Variants in PCLO observed in about 807,000 individuals in gnomAD.
PCLO encodes piccolo presynaptic cytomatrix protein, also known as protein piccolo.
Under a neutral mutation model 427.5 loss-of-function variants are expected in PCLO, and 82 were observed. The ratio of observed to expected loss-of-function variants is 0.19; its 90% CI spans 0.16 to 0.23. The LOEUF (loss-of-function observed/expected upper bound fraction) is 0.23, where lower values mean the gene tolerates loss of function less well. Among genes scored for constraint, PCLO ranks in the 10% least tolerant of loss-of-function variants. The pLI is 1.00. For missense variants in PCLO, 6,239 were observed against 6,115.9 expected, an observed-to-expected ratio of 1.02 and a Z score of -0.67; for synonymous variants, 2,357 against 2,155.4, an observed-to-expected ratio of 1.09 and a Z score of -2.59.
intron 3 of PCLO, among the ~76,000 whole-genome samples, chr7:83,037,079 A>C (rs891545946): frequency 1.3e-5 from 2 of 152,150 alleles, no homozygotes; most frequent in African/African-American, 4.8e-5. Context: ...GAAAAACAGG[A>C]GTAGAAACAT....
Position 82,783,040 on chromosome 7 carries a change from A to G in PCLO, c.15007+18478T>C, listed in dbSNP as rs138733422. ...TAGACATATTTTCTCCTTTGGGTCA[A>G]GAGTGTAAAACTAGGCCTCAAAGGA... On this transcript the variant is annotated intron_variant, in intron 22 of 24. Transcript: ENST00000333891. Among the ~76,000 whole-genome samples the G allele has an allele frequency of 2.3e-3, 356 of 152,314 alleles. 1 individual carries two copies. Among genetic ancestry groups the G allele is most frequent in the East Asian group, 8.1e-3 (42 of 5,178 alleles).
intron 14 of PCLO, among the ~76,000 whole-genome samples, chr7:82,840,456 A>C (rs917858174): frequency 6.6e-6 from 1 of 152,054 alleles, no homozygotes. Context: ...CATTCTTTTC[A>C]AATAGTCTCT....
chr7:82,857,794 G>A (rs1286054986), intron 10 of PCLO, among the ~76,000 whole-genome samples: 3 of 152,090 alleles, frequency 2.0e-5, no homozygotes, highest in Non-Finnish European at 4.4e-5. Context: ...TCATCCTATA[G>A]TATAAGAAAA....
In PCLO at chr7:82,915,930, C is replaced by G. The variant is rs747018433; in HGVS notation, c.12056G>C (p.Ser4019Thr). The change falls in exon 7 of 25, where the codon AGT (serine) becomes ACT (threonine). Residue 4019 changes from serine to threonine, a missense_variant. Transcript: ENST00000333891. ...LDLRIGLEER[S>T]SMASSPISSI... ...TGATATTGGACTGCTTGCCATGCTA[C>G]TTCTTTCCTCCAAACCTATTCTCAA... is the stretch of plus-strand genomic sequence containing the variant. 6.2e-7 allele frequency: 1 copy of G among 1,613,276 alleles called. No homozygotes were observed. Among genetic ancestry groups the G allele is most frequent in the Non-Finnish European group, 8.5e-7 (1 of 1,179,788 alleles).
At position 82,758,382 on chromosome 7, in the gene PCLO, T is replaced by C. The variant is rs1790361031; in HGVS notation, c.*193A>G. The C allele has an allele frequency of 2.1e-6, 1 of 466,046 alleles. No homozygotes were observed. Among genetic ancestry groups the C allele is most frequent in the East Asian group, 3.3e-5 (1 of 30,748 alleles). 28.9% of individuals were successfully genotyped at this position (466,046 alleles called of 1,614,324 possible). A position where few individuals can be genotyped will look rare whatever the true frequency, so the allele number is the denominator to read the frequency against. ...AACTCCATTCTTCTTGTTTTCAGTATGTGAACTTTTTCAGTTGAATATCTT... is the reference window on the plus strand; with the variant it reads ...AACTCCATTCTTCTTGTTTTCAGTACGTGAACTTTTTCAGTTGAATATCTT... On this transcript the variant is annotated 3_prime_UTR_variant, in exon 25 of 25. Transcript: ENST00000333891.
At chr7:82,926,924 C>T (rs1794725550) in intron 6 of PCLO, among the ~76,000 whole-genome samples, 1 of 152,156 alleles carries the variant, frequency 6.6e-6, no homozygotes, top group South Asian at 2.1e-4. Flanking sequence ...CTTTTGCTTC[C>T]TTCCTTTGTA....
chr7:82,945,465 G>T (rs1795181885), intron 6 of PCLO, among the ~76,000 whole-genome samples: 1 of 152,158 alleles, frequency 6.6e-6, no homozygotes, highest in Admixed American at 6.5e-5. Flanking sequence ...TTTGAACATA[G>T]GGTCTTTACA....
In PCLO at chr7:82,888,606, C is replaced by CT. The variant is rs746460576; in HGVS notation, c.13529-9145dup. Among the ~76,000 whole-genome samples the CT allele has an allele frequency of 6.1e-4, 93 of 152,032 alleles. 1 individual carries two copies. The highest frequency in any genetic ancestry group is 8.4e-4 in the Non-Finnish European group (57 of 67,960). On this transcript the variant is annotated intron_variant, in intron 9 of 24. Coordinates refer to ENST00000333891, the MANE Select transcript of PCLO (RefSeq NM_033026.6). The stretch of plus-strand genomic sequence containing the variant: ...CAACTTTGAAGCAAACAAAACAAAT[C>CT]TTTTTAAAAAAAAGACTTAATAAAC...
At chr7:82,876,904 C>T (rs1309620696) in intron 10 of PCLO, among the ~76,000 whole-genome samples, 1 of 152,058 alleles carries the variant, frequency 6.6e-6, no homozygotes, top group Non-Finnish European at 1.5e-5. Flanking sequence ...AAAGGCCTCA[C>T]TTAACACCTT....
intron 3 of PCLO, among the ~76,000 whole-genome samples, chr7:83,027,953 A>G (rs1195071017): frequency 4.4e-5 from 6 of 137,054 alleles, no homozygotes; most frequent in Non-Finnish European, 6.4e-5. Context: ...GATGGGACAT[A>G]TTTCAAAATA....
At position 82,847,125 on chromosome 7, in the gene PCLO, G is replaced by A. The variant is rs1792524184; in HGVS notation, c.13763+14C>T. ...AGCCAAAAAATGGAAACAGAAAGAT[G>A]GGGAAAAACTCACAGTCTTACACAT... On this transcript the variant is annotated intron_variant, in intron 11 of 24. Coordinates refer to ENST00000333891, the MANE Select transcript of PCLO (RefSeq NM_033026.6). The A allele has an allele frequency of 1.4e-6, 2 of 1,419,254 alleles. No individual in the cohort carries two copies. The highest frequency in any genetic ancestry group is 1.7e-5 in the Admixed American group (1 of 57,486). The allele number at this position is 1,419,254 out of a possible 1,614,324, so 87.9% of individuals were successfully genotyped here. A position where few individuals can be genotyped will look rare whatever the true frequency, so the allele number is the denominator to read the frequency against.
chr7:82,809,226 A>G (rs1791517643), intron 20 of PCLO, among the ~76,000 whole-genome samples: 2 of 151,928 alleles, frequency 1.3e-5, no homozygotes, highest in African/African-American at 4.8e-5. Flanking sequence ...TTGCCTCTCA[A>G]AAGAGTTTTT....
chr7:82,781,973 A>G (rs1790882381), intron 22 of PCLO, among the ~76,000 whole-genome samples: 1 of 152,196 alleles, frequency 6.6e-6, no homozygotes, highest in African/African-American at 2.4e-5. Context: ...TGTCCTTGAT[A>G]GTAAACCTGT....
At chr7:83,143,946 G>C (rs1395872565) in intron 2 of PCLO, among the ~76,000 whole-genome samples, 1 of 152,112 alleles carries the variant, frequency 6.6e-6, no homozygotes. Context: ...ATAGTTTATT[G>C]CATTGTCCTC....
At chr7:82,988,125 C>T (rs1792928032) in intron 3 of PCLO, among the ~76,000 whole-genome samples, 1 of 151,922 alleles carries the variant, frequency 6.6e-6, no homozygotes, top group South Asian at 2.1e-4. Flanking sequence ...AGTGATCCTC[C>T]CACCTCAGCT....
In PCLO at chr7:83,134,601, T is replaced by C; in HGVS notation, c.2949A>G (p.Thr983=). The C allele has an allele frequency of 6.2e-7, 1 of 1,613,940 alleles. No individual in the cohort carries two copies. The highest frequency in any genetic ancestry group is 1.3e-5 in the African/African-American group (1 of 75,030). ...TTGCAGGTGCTGGTGGTGCTTGACC[T>C]GTGGATTTGGGTGGCCCTTGTGAAG... ...PPTSQGPPKS[T]GQAPPAPAKS... Residue 983 remains threonine (T), a synonymous_variant, in exon 3 of 25, where the codon ACA becomes ACG. Coordinates refer to ENST00000333891, the MANE Select transcript of PCLO (RefSeq NM_033026.6).
intron 3 of PCLO, among the ~76,000 whole-genome samples, chr7:82,996,718 C>CAAACAACAGGTTTTTTAATACTTCCA (rs1787624320): frequency 6.6e-6 from 1 of 151,978 alleles, no homozygotes; most frequent in Non-Finnish European, 1.5e-5. Flanking sequence ...ACCCATCCTT[C>CAAACAACAGGTTTTTTAATACTTCCA]AAACAACAGG....
intron 3 of PCLO, among the ~76,000 whole-genome samples, chr7:83,063,444 C>T (rs1335378707): frequency 6.6e-6 from 1 of 152,026 alleles, no homozygotes; most frequent in East Asian, 1.9e-4. Context: ...ATTTCAAATA[C>T]CCATACAACC....
rs537324288 is a variant in PCLO, at chr7:82,809,936, T to C, written c.14792-4107A>G. On this transcript the variant is annotated intron_variant, in intron 20 of 24. Transcript: ENST00000333891. Reference sequence around the variant, plus strand: ...ATATTTAATGAGAATACACTAACCATCAGAGATTATAAGCTTATGAATTTC... The same window carrying C: ...ATATTTAATGAGAATACACTAACCACCAGAGATTATAAGCTTATGAATTTC... Among the ~76,000 whole-genome samples the C allele has an allele frequency of 1.1e-4, 17 of 151,698 alleles. No homozygotes were observed. The South Asian group carries it at 3.3e-3, about 30-fold the overall frequency.
Sources: gnomAD v4.1 joint callset for allele counts (sites outside exome capture counted in the v4.1 genomes callset) on GRCh38, gnomAD v4.1.1 for gene constraint, MANE v1.5 for transcripts, NCBI Gene and HGNC (gene_info 2026-07-23, HGNC 2026-07-21) for gene names.